The following SPOCK3 variants were observed in gnomAD, a reference collection of about 807,000 sequenced individuals.
SPOCK3 encodes SPARC (osteonectin), cwcv and kazal like domains proteoglycan 3.
In SPOCK3, 30 loss-of-function variants were observed where a neutral mutation model predicts 56.6. That is an observed-to-expected ratio of 0.53 (90% CI 0.40 to 0.72). The LOEUF is 0.72. Among genes scored for constraint, SPOCK3 ranks in the 30% least tolerant of loss-of-function variants. The pLI, the probability that SPOCK3 is intolerant of heterozygous loss-of-function variation, is 0.00. For missense variants in SPOCK3, 527 were observed against 530.0 expected (o/e 0.99, Z 0.06); for synonymous variants, 196 against 183.3 (o/e 1.07, Z -0.56).
chr4:166,889,472 G>A (rs1734540200), intron 5 of SPOCK3, among the ~76,000 whole-genome samples: 1 of 151,912 alleles, frequency 6.6e-6, no homozygotes, highest in African/African-American at 2.4e-5. Context: ...TTGGTGAACA[G>A]TCACTGAGAA....
In SPOCK3 at chr4:166,836,330, T is replaced by G. The variant is rs146300924; in HGVS notation, c.590-44041A>C. 2.9e-3 allele frequency among the ~76,000 whole-genome samples: 439 copies of G among 152,350 alleles called. 3 individuals carry two copies. The highest frequency in any genetic ancestry group is 9.7e-3 in the African/African-American group (404 of 41,586). ...TTCTCAACACGATTTTATCATTTTT[T>G]TCAGCTTTCTAAGAATTATTTTTAA... On this transcript the variant is annotated intron_variant, in intron 6 of 10. Transcript: ENST00000357545.
intron 4 of SPOCK3, among the ~76,000 whole-genome samples, chr4:166,967,830 A>G (rs1013045711): frequency 1.3e-5 from 2 of 152,208 alleles, no homozygotes; most frequent in Non-Finnish European, 2.9e-5. Context: ...AGGGGCTCAA[A>G]AAAAGACAGA....
At chr4:167,082,047 T>G (rs929020532) in intron 2 of SPOCK3, among the ~76,000 whole-genome samples, 1 of 152,048 alleles carries the variant, frequency 6.6e-6, no homozygotes, top group African/African-American at 2.4e-5. Context: ...TGAATCTCTG[T>G]TCTGACAAAC....
intron 4 of SPOCK3, among the ~76,000 whole-genome samples, chr4:166,914,608 TAAAAATACA>T (rs1737645997): frequency 1.3e-5 from 2 of 151,966 alleles, no homozygotes; most frequent in African/African-American, 4.8e-5. Flanking sequence ...CCGTCTCTAC[TAAAAATACA>T]AAATTAGCCA....
chr4:167,122,579 T>C (rs746684031), intron 2 of SPOCK3, among the ~76,000 whole-genome samples: 2 of 152,196 alleles, frequency 1.3e-5, no homozygotes, highest in Non-Finnish European at 2.9e-5. Context: ...TGTGAAAACA[T>C]TGTCACATTG....
chr4:167,008,256 G>A (rs1191420748), intron 3 of SPOCK3, among the ~76,000 whole-genome samples: 1 of 151,786 alleles, frequency 6.6e-6, no homozygotes, highest in Non-Finnish European at 1.5e-5. Flanking sequence ...CTATTGTAAT[G>A]TTTTATATGT....
intron 2 of SPOCK3, among the ~76,000 whole-genome samples, chr4:167,077,230 A>G (rs994934573): frequency 6.6e-6 from 1 of 151,812 alleles, no homozygotes; most frequent in African/African-American, 2.4e-5. Flanking sequence ...ATTTCATTAA[A>G]TATAGAGAGA....
intron 3 of SPOCK3, among the ~76,000 whole-genome samples, chr4:167,045,075 C>G (rs1753594074): frequency 6.6e-6 from 1 of 152,098 alleles, no homozygotes; most frequent in Admixed American, 6.5e-5. Flanking sequence ...TTTTGCCTCA[C>G]ATATTTTGTT....
chr4:166,894,318 C>T (rs755103794), intron 5 of SPOCK3, among the ~76,000 whole-genome samples: 1 of 152,042 alleles, frequency 6.6e-6, no homozygotes, highest in Non-Finnish European at 1.5e-5. Flanking sequence ...GAGTCATGTT[C>T]CTGCTTTCTT....
At chr4:167,166,109 C>T (rs918344484) in intron 2 of SPOCK3, among the ~76,000 whole-genome samples, 1 of 151,842 alleles carries the variant, frequency 6.6e-6, no homozygotes, top group Admixed American at 6.6e-5. Context: ...AATTCTATAG[C>T]AAAAATTTGG....
At chr4:166,753,754 A>C (rs10517901) in intron 8 of SPOCK3, among the ~76,000 whole-genome samples, 50,167 of 151,872 alleles carry the variant, frequency 0.33, 8,448 homozygotes, top group Admixed American at 0.42. Context: ...TAACATCAAC[A>C]TTACACTTAC....
At chr4:166,767,852 G>C (rs939526039) in intron 7 of SPOCK3, among the ~76,000 whole-genome samples, 4 of 151,854 alleles carry the variant, frequency 2.6e-5, no homozygotes, top group African/African-American at 9.7e-5. Context: ...CTAAGTATTT[G>C]CTTTACGAAT....
intron 4 of SPOCK3, among the ~76,000 whole-genome samples, chr4:166,999,434 A>G (rs1426629623): frequency 2.6e-5 from 4 of 152,122 alleles, no homozygotes; most frequent in East Asian, 3.9e-4. Flanking sequence ...TTATTTTCCA[A>G]TGTTATTATT....
intron 2 of SPOCK3, among the ~76,000 whole-genome samples, chr4:167,195,565 G>A (rs933073840): frequency 1.4e-4 from 21 of 152,322 alleles, no homozygotes; most frequent in Admixed American, 1.4e-3. Context: ...CCTAGACTGG[G>A]ACTGAGACAG....
intron 3 of SPOCK3, among the ~76,000 whole-genome samples, chr4:167,020,390 T>G (rs1304898563): frequency 6.6e-6 from 1 of 152,080 alleles, no homozygotes; most frequent in Non-Finnish European, 1.5e-5. Context: ...ATAGATTGAA[T>G]GCATGCCCTT....
intron 4 of SPOCK3, among the ~76,000 whole-genome samples, chr4:166,939,118 T>C (rs1367797900): frequency 1.3e-5 from 2 of 152,150 alleles, no homozygotes; most frequent in Non-Finnish European, 2.9e-5. Context: ...TAGTATTTGG[T>C]AGAACATAGA....
intron 5 of SPOCK3, among the ~76,000 whole-genome samples, chr4:166,903,691 G>C (rs574652858): frequency 6.6e-6 from 1 of 151,726 alleles, no homozygotes; most frequent in Non-Finnish European, 1.5e-5. Context: ...TGTTAGTGTT[G>C]TTACCTTCTA....
intron 2 of SPOCK3, among the ~76,000 whole-genome samples, chr4:167,123,740 C>CTTTTTTTTTT (rs901846399): frequency 1.7e-5 from 2 of 118,380 alleles, no homozygotes; most frequent in Non-Finnish European, 3.5e-5. Context: ...CATTTCTTTT[C>CTTTTTTTTTT]TTTTTTTTTT....
At chr4:166,961,716 T>G (rs1744168297) in intron 4 of SPOCK3, among the ~76,000 whole-genome samples, 1 of 152,038 alleles carries the variant, frequency 6.6e-6, no homozygotes, top group Admixed American at 6.6e-5. Context: ...TTCCGGGACA[T>G]TTTTTCCTTG....
Sources: allele counts gnomAD v4.1 joint callset (sites outside exome capture counted in the v4.1 genomes callset), GRCh38; gene constraint gnomAD v4.1.1; transcripts MANE v1.5; gene names NCBI Gene and HGNC (gene_info 2026-07-23, HGNC 2026-07-21).